SNTG2: variants seen among roughly 807,000 people sequenced by gnomAD.
The protein encoded by SNTG2 is syntrophin gamma 2, also known as gamma-2-syntrophin.
Under a neutral mutation model 70.9 loss-of-function variants are expected in SNTG2, and 74 were observed. That is an observed-to-expected ratio of 1.04 (90% CI 0.86 to 1.27). The LOEUF (loss-of-function observed/expected upper bound fraction) is 1.27, where lower values mean the gene tolerates loss of function less well. Ranked by LOEUF, SNTG2 falls within the 50% of genes most tolerant of loss-of-function variation. The pLI is 0.00. For synonymous variants in SNTG2, 278 were observed against 273.8 expected (o/e 1.02, Z -0.15); for missense variants, 717 against 690.7 (o/e 1.04, Z -0.43).
intron 2 of SNTG2, among the ~76,000 whole-genome samples, chr2:1,091,201 A>C (rs1419429969): frequency 6.6e-6 from 1 of 152,132 alleles, no homozygotes; most frequent in Non-Finnish European, 1.5e-5. Flanking sequence ...TGGAGCTGGC[A>C]GGTGAGAGGC....
intron 1 of SNTG2, among the ~76,000 whole-genome samples, chr2:1,026,507 A>C (rs1378751852): frequency 6.6e-6 from 1 of 152,240 alleles, no homozygotes; most frequent in East Asian, 1.9e-4. Flanking sequence ...ACAAATAAAT[A>C]AAACTGCTAG....
rs768072874 is a variant in SNTG2, at chr2:1,083,544, T to C, written c.99T>C (p.Tyr33=). ...CGAAAACCACTATTGCTCTGTTGTA[T>C]GATGAAGAGTCCGAAAATGCCTATG... ...ARTKTTIALL[Y]DEESENAYDI... is the part of the protein sequence containing the mutation. Residue 33 remains tyrosine, a synonymous_variant, in exon 2 of 17, where the codon TAT becomes TAC. Transcript: ENST00000308624. 2 of 1,613,734 alleles carry C rather than the reference T, an allele frequency of 1.2e-6. No homozygotes were observed. The highest frequency in any genetic ancestry group is 2.2e-5 in the East Asian group (1 of 44,874).
At chr2:1,070,114 G>A (rs1389886880) in intron 1 of SNTG2, among the ~76,000 whole-genome samples, 2 of 151,896 alleles carry the variant, frequency 1.3e-5, no homozygotes, top group Admixed American at 6.6e-5. Flanking sequence ...AAGTGATGTC[G>A]GCAATTTCTG....
chr2:1,239,298 A>G (rs926946319), intron 10 of SNTG2, among the ~76,000 whole-genome samples: 4 of 152,066 alleles, frequency 2.6e-5, no homozygotes, highest in African/African-American at 9.7e-5. Flanking sequence ...ATGATTCTGC[A>G]CCTCCACTTC....
At chr2:1,059,549 T>C (rs1662680059) in intron 1 of SNTG2, among the ~76,000 whole-genome samples, 1 of 152,190 alleles carries the variant, frequency 6.6e-6, no homozygotes, top group Non-Finnish European at 1.5e-5. Flanking sequence ...TTTAATCTTT[T>C]GGATACGTAA....
intron 1 of SNTG2, among the ~76,000 whole-genome samples, chr2:1,019,659 T>A (rs1028290321): frequency 2.6e-5 from 4 of 152,220 alleles, no homozygotes; most frequent in African/African-American, 9.6e-5. Context: ...TTAATGATAG[T>A]TCCACTGGTA....
At chr2:986,295 T>C (rs1052998806) in intron 1 of SNTG2, among the ~76,000 whole-genome samples, 11 of 152,198 alleles carry the variant, frequency 7.2e-5, no homozygotes, top group African/African-American at 2.2e-4. Flanking sequence ...TCACACGCTC[T>C]ACCAGGGTTG....
chr2:1,237,980 C>T lies in SNTG2; in HGVS notation c.812C>T (p.Ala271Val), dbSNP rs767574929. The change falls in exon 10 of 17, where the codon GCG (alanine) becomes GTG (valine). Residue 271 changes from alanine to valine, a missense_variant. Transcript: ENST00000308624. ...TAQDGTDWLR[A>V]VSANIRELTL... Reference sequence around the variant, plus strand: ...CAGGATGGCACCGACTGGCTGCGGGCGGTCTCAGCCAACATCAGGGAGCTG... The same window carrying T: ...CAGGATGGCACCGACTGGCTGCGGGTGGTCTCAGCCAACATCAGGGAGCTG... The T allele has an allele frequency of 5.0e-6, 8 of 1,609,768 alleles. No individual in the cohort carries two copies. Among genetic ancestry groups the T allele is most frequent in the African/African-American group, 1.3e-5 (1 of 74,842 alleles).
At chr2:969,584 G>T (rs938628912) in intron 1 of SNTG2, among the ~76,000 whole-genome samples, 2 of 152,112 alleles carry the variant, frequency 1.3e-5, no homozygotes, top group Admixed American at 6.6e-5. Flanking sequence ...TCACCTCCCT[G>T]CTTAGCTGTG....
intron 9 of SNTG2, among the ~76,000 whole-genome samples, chr2:1,221,915 GTCTC>G (rs1217537367): frequency 9.4e-4 from 4 of 4,262 alleles, no homozygotes; most frequent in African/African-American, 1.5e-3. Flanking sequence ...CTCTGTCTCT[GTCTC>G]TCTCTGTCTC....
intron 1 of SNTG2, among the ~76,000 whole-genome samples, chr2:1,031,233 G>A (rs1471954279): frequency 6.6e-6 from 1 of 151,938 alleles, no homozygotes; most frequent in African/African-American, 2.4e-5. Flanking sequence ...TGGACTTTAC[G>A]TGCAGAGGGT....
intron 4 of SNTG2, among the ~76,000 whole-genome samples, chr2:1,106,606 T>C (rs1291809580): frequency 7.2e-6 from 1 of 138,664 alleles, no homozygotes; most frequent in Non-Finnish European, 1.5e-5. Flanking sequence ...GTGCTGTCAC[T>C]TGGGTGCAGG....
At position 1,098,404 on chromosome 2, in the gene SNTG2, C is replaced by T; in HGVS notation, c.319C>T (p.Gln107Ter). The change falls in exon 4 of 17, where the codon CAA (glutamine) becomes TAA (stop). Residue 107 changes from glutamine (Q) to a stop codon, truncating the protein, a stop_gained. Transcript: ENST00000308624. LOFTEE classifies it high-confidence loss of function. The stretch of plus-strand genomic sequence containing the variant: ...CGTCATATCAAAAATATTCGAAGAC[C>T]AAGCAGGTAAAAACAGCCAAAATGA... ...PVVISKIFEDQAADQTGMLFV... is the reference protein window; with the variant it reads ...PVVISKIFED The T allele has an allele frequency of 3.1e-6, 5 of 1,613,936 alleles. No individual in the cohort carries two copies. Among genetic ancestry groups the T allele is most frequent in the East Asian group, 2.2e-5 (1 of 44,870 alleles).
Position 972,194 on chromosome 2 carries a change from C to T in SNTG2, c.72+21126C>T, listed in dbSNP as rs183867718. On this transcript the variant is annotated intron_variant, in intron 1 of 16. Transcript: ENST00000308624. The stretch of plus-strand genomic sequence containing the variant: ...CTAAGTTCTGGTCCCAAATGTCTCT[C>T]TAGTTTTTGGCCTTCATGCTCTTTC... 3.9e-4 allele frequency among the ~76,000 whole-genome samples: 59 copies of T among 152,246 alleles called. 1 individual carries two copies. The highest frequency in any genetic ancestry group is 1.2e-3 in the Admixed American group (18 of 15,288).
In SNTG2 at chr2:959,373, T is replaced by C. The variant is rs374964802; in HGVS notation, c.72+8305T>C. Reference sequence around the variant, plus strand: ...CTATGAGCTTTATGTATTGCAATTATTTTCTTCCAAAGCTTTATCAAATTT... The same window carrying C: ...CTATGAGCTTTATGTATTGCAATTACTTTCTTCCAAAGCTTTATCAAATTT... On this transcript the variant is annotated intron_variant, in intron 1 of 16. Transcript: ENST00000308624. Among the ~76,000 whole-genome samples the C allele has an allele frequency of 7.9e-5, 12 of 152,228 alleles. No individual in the cohort carries two copies. The East Asian group carries it at 1.7e-3, about 22-fold the overall frequency.
intron 12 of SNTG2, among the ~76,000 whole-genome samples, chr2:1,248,740 A>G (rs1320252166): frequency 2.6e-5 from 4 of 152,180 alleles, no homozygotes; most frequent in Non-Finnish European, 5.9e-5. Flanking sequence ...CACCGCATGT[A>G]CCCAACCTGG....
intron 8 of SNTG2, among the ~76,000 whole-genome samples, chr2:1,194,973 C>G (rs559031755): frequency 1.3e-5 from 2 of 152,214 alleles, no homozygotes; most frequent in African/African-American, 2.4e-5. Context: ...TGAGAACATG[C>G]AGTGTTTGGT....
At chr2:1,265,115 A>G (rs1407174440) in intron 13 of SNTG2, among the ~76,000 whole-genome samples, 1 of 143,224 alleles carries the variant, frequency 7.0e-6, no homozygotes, top group African/African-American at 2.8e-5. Context: ...ATATCTTCCA[A>G]AAGTTTTTCT....
chr2:1,246,792 A>C (rs1247219967), intron 11 of SNTG2, among the ~76,000 whole-genome samples: 1 of 152,064 alleles, frequency 6.6e-6, no homozygotes, highest in Non-Finnish European at 1.5e-5. Flanking sequence ...TCATATTCTG[A>C]TTTTGATAGG....
Sources: allele counts gnomAD v4.1 joint callset (sites outside exome capture counted in the v4.1 genomes callset), GRCh38; gene constraint gnomAD v4.1.1; transcripts MANE v1.5; gene names NCBI Gene and HGNC (gene_info 2026-07-23, HGNC 2026-07-21).